Variants in PRELID2 observed in about 807,000 individuals in gnomAD.
PRELID2 encodes the protein PRELI domain containing 2.
Under a neutral mutation model 28.4 loss-of-function variants are expected in PRELID2, and 25 were observed. The ratio of observed to expected loss-of-function variants is 0.88; its 90% CI spans 0.64 to 1.23. The LOEUF (loss-of-function observed/expected upper bound fraction) is 1.23. PRELID2 is among the 50% of genes most tolerant of loss of function. The probability of loss-of-function intolerance (pLI) is 0.00; values close to 1 mark genes in which losing one functional copy is unlikely to be tolerated. For synonymous variants in PRELID2, 76 were observed against 71.6 expected, an observed-to-expected ratio of 1.06 and a Z score of -0.31; for missense variants, 201 against 214.4, an observed-to-expected ratio of 0.94 and a Z score of 0.39.
chr5:145,499,894 G>C, intron 1 of PRELID2, among the ~76,000 whole-genome samples: 1 of 152,218 alleles, frequency 6.6e-6, no homozygotes, highest in East Asian at 1.9e-4. Flanking sequence ...ACAAACAAAT[G>C]TGAAATTCCA....
chr5:145,372,727 A>G, the PRELID2 span, among the ~76,000 whole-genome samples: 2 of 150,802 alleles, frequency 1.3e-5, no homozygotes, highest in African/African-American at 4.9e-5. Flanking sequence ...TTTTATTTTT[A>G]GCCTAGGTGG....
At chr5:145,393,292 C>T in the PRELID2 span, among the ~76,000 whole-genome samples, 17 of 152,102 alleles carry the variant, frequency 1.1e-4, no homozygotes, top group African/African-American at 3.9e-4. Flanking sequence ...AAATGTCATG[C>T]TCTTCAGGGG....
chr5:145,243,821 C>T, the PRELID2 span, among the ~76,000 whole-genome samples: 36 of 152,158 alleles, frequency 2.4e-4, no homozygotes, highest in African/African-American at 7.9e-4. Context: ...TATAAATGTT[C>T]CATTTCCCTA....
At chr5:145,546,871 A>G (rs2126677428) in intron 1 of PRELID2, among the ~76,000 whole-genome samples, 2 of 152,268 alleles carry the variant, frequency 1.3e-5, no homozygotes, top group East Asian at 3.9e-4. Context: ...GAGAAGAGGG[A>G]AAACAGCTTA....
chr5:145,287,712 G>T, the PRELID2 span, among the ~76,000 whole-genome samples: 2 of 152,054 alleles, frequency 1.3e-5, no homozygotes, highest in East Asian at 3.8e-4. Context: ...TGGCACTTTT[G>T]ATATAATTTA....
chr5:145,809,232 G>C (rs1753766524), intron 4 of PRELID2, among the ~76,000 whole-genome samples: 1 of 152,086 alleles, frequency 6.6e-6, no homozygotes, highest in Non-Finnish European at 1.5e-5. Context: ...AGTAGAGACA[G>C]GGTTTCTCCA....
the PRELID2 span, among the ~76,000 whole-genome samples, chr5:145,304,288 T>C: frequency 6.6e-6 from 1 of 152,192 alleles, no homozygotes; most frequent in Admixed American, 6.5e-5. Flanking sequence ...TTACTATTGT[T>C]GTTATTCATT....
chr5:145,658,230 G>A (rs1561534760), intron 1 of PRELID2, among the ~76,000 whole-genome samples: 1 of 152,216 alleles, frequency 6.6e-6, no homozygotes, highest in Non-Finnish European at 1.5e-5. Flanking sequence ...AAAGGAAGAA[G>A]AGTGAAAGCA....
chr5:145,383,836 A>G, the PRELID2 span, among the ~76,000 whole-genome samples: 1 of 152,048 alleles, frequency 6.6e-6, no homozygotes, highest in Non-Finnish European at 1.5e-5. Flanking sequence ...GCACATACAC[A>G]CACACATACA....
intron 1 of PRELID2, among the ~76,000 whole-genome samples, chr5:145,539,878 A>G (rs2126670412): frequency 6.6e-6 from 1 of 151,986 alleles, no homozygotes; most frequent in Admixed American, 6.6e-5. Context: ...GTATGATTGG[A>G]ACTATGAAAA....
chr5:145,344,771 T>C, the PRELID2 span, among the ~76,000 whole-genome samples: 1 of 152,116 alleles, frequency 6.6e-6, no homozygotes, highest in Non-Finnish European at 1.5e-5. Flanking sequence ...TTCTCCAATA[T>C]GCAAGTTTTC....
At chr5:145,277,934 G>A in the PRELID2 span, among the ~76,000 whole-genome samples, 436 of 152,190 alleles carry the variant, frequency 2.9e-3, 2 homozygotes, top group Non-Finnish European at 4.9e-3. Flanking sequence ...TTTCTAATAC[G>A]CCTCCTGCAT....
At chr5:145,722,178 G>GT (rs1391286449) in intron 1 of PRELID2, among the ~76,000 whole-genome samples, 10 of 151,934 alleles carry the variant, frequency 6.6e-5, no homozygotes, top group Non-Finnish European at 1.2e-4. Context: ...AATTGATCAA[G>GT]TATTAGGTAA....
chr5:145,538,326 T>C (rs1262872149), intron 1 of PRELID2, among the ~76,000 whole-genome samples: 1 of 151,930 alleles, frequency 6.6e-6, no homozygotes. Context: ...TTTGCATACT[T>C]GGGGTCCTTT....
intron 1 of PRELID2, chr5:145,834,902 G>A (rs931433441): frequency 5.2e-6 from 2 of 382,814 alleles, no homozygotes; most frequent in Non-Finnish European, 9.5e-6. Context: ...ACTCCACGGA[G>A]CTCACGAGCT....
At chr5:145,766,823 A>G (rs999957207) in intron 5 of PRELID2, among the ~76,000 whole-genome samples, 4 of 152,184 alleles carry the variant, frequency 2.6e-5, no homozygotes, top group Admixed American at 6.5e-5. Flanking sequence ...AGATGGGATT[A>G]GTGCTTTCTA....
chr5:145,526,091 T>C (rs1003943502), intron 1 of PRELID2, among the ~76,000 whole-genome samples: 3 of 152,220 alleles, frequency 2.0e-5, no homozygotes, highest in Non-Finnish European at 4.4e-5. Context: ...ATCATAGCTA[T>C]AAAAGCCAGT....
the PRELID2 span, among the ~76,000 whole-genome samples, chr5:145,395,083 TAC>T: frequency 4.6e-5 from 7 of 152,288 alleles, no homozygotes; most frequent in African/African-American, 1.4e-4. Context: ...ATATTTATTG[TAC>T]ACTTACTATA....
At chr5:145,510,336 T>A (rs891887598) in intron 1 of PRELID2, among the ~76,000 whole-genome samples, 2 of 152,170 alleles carry the variant, frequency 1.3e-5, no homozygotes, top group African/African-American at 4.8e-5. Context: ...AAACAAGACT[T>A]TTTTCTCTCC....
Sources: gnomAD v4.1 joint callset for allele counts (sites outside exome capture counted in the v4.1 genomes callset) on GRCh38, gnomAD v4.1.1 for gene constraint, MANE v1.5 for transcripts, NCBI Gene and HGNC (gene_info 2026-07-23, HGNC 2026-07-21) for gene names.